The following TAOK3 variants were observed in gnomAD, a reference collection of about 807,000 sequenced individuals.
TAOK3 encodes TAO kinase 3, also known as serine/threonine-protein kinase TAO3.
Under a neutral mutation model 120.4 loss-of-function variants are expected in TAOK3, and 40 were observed. That is an observed-to-expected ratio of 0.33 (90% CI 0.26 to 0.43). The LOEUF (loss-of-function observed/expected upper bound fraction) is 0.43, where lower values mean the gene tolerates loss of function less well. TAOK3 is among the 20% of genes least tolerant of loss of function. TAOK3 has a pLI of 1.00. For synonymous variants in TAOK3, 355 were observed against 387.5 expected (o/e 0.92, Z 0.99); for missense variants, 821 against 1,112.1 (o/e 0.74, Z 3.72).
At chr12:118,171,589 T>G (rs2035999442) in intron 17 of TAOK3, among the ~76,000 whole-genome samples, 1 of 152,216 alleles carries the variant, frequency 6.6e-6, no homozygotes, top group Non-Finnish European at 1.5e-5. Flanking sequence ...ACTCCTGACC[T>G]CAAGTGATCC....
chr12:118,169,644 C>T (rs906042833), intron 17 of TAOK3, among the ~76,000 whole-genome samples: 6 of 151,782 alleles, frequency 4.0e-5, no homozygotes, highest in Non-Finnish European at 8.8e-5. Context: ...TCTCTTTAAT[C>T]TCTTCTCTGT....
chr12:118,344,941 C>T (rs1411168301), intron 1 of TAOK3, among the ~76,000 whole-genome samples: 2 of 152,090 alleles, frequency 1.3e-5, no homozygotes, highest in Non-Finnish European at 2.9e-5. Context: ...TACCCATGCC[C>T]CTCTTCACCT....
At chr12:118,170,513 A>T (rs936226589) in intron 17 of TAOK3, among the ~76,000 whole-genome samples, 1 of 152,036 alleles carries the variant, frequency 6.6e-6, no homozygotes, top group African/African-American at 2.4e-5. Context: ...TGTAATCTCC[A>T]CACTTTGGGA....
At chr12:118,335,773 G>A (rs2044344904) in intron 1 of TAOK3, among the ~76,000 whole-genome samples, 1 of 152,196 alleles carries the variant, frequency 6.6e-6, no homozygotes, top group South Asian at 2.1e-4. Flanking sequence ...AGGCTGCAGT[G>A]AGTGGAGATG....
At chr12:118,217,816 C>T (rs368272401) in intron 9 of TAOK3, among the ~76,000 whole-genome samples, 10,370 of 45,370 alleles carry the variant, frequency 0.23, 1,288 homozygotes, top group Middle Eastern at 0.33. Context: ...TGTGTGTATA[C>T]ATATATATAT....
At chr12:118,322,806 A>G (rs558833469) in intron 1 of TAOK3, among the ~76,000 whole-genome samples, 1 of 140,828 alleles carries the variant, frequency 7.1e-6, no homozygotes, top group African/African-American at 2.7e-5. Context: ...GCTAACTGCA[A>G]CCTCTGCCTC....
At chr12:118,300,168 A>C (rs573465035) in intron 1 of TAOK3, among the ~76,000 whole-genome samples, 3 of 152,330 alleles carry the variant, frequency 2.0e-5, no homozygotes, top group African/African-American at 7.2e-5. Flanking sequence ...TCTCTTTAGA[A>C]CTAGAGACAG....
At chr12:118,197,908 C>T (rs1197845838) in intron 13 of TAOK3, among the ~76,000 whole-genome samples, 1 of 151,986 alleles carries the variant, frequency 6.6e-6, no homozygotes, top group Non-Finnish European at 1.5e-5. Context: ...GGGATGGTCT[C>T]GATCTCCTGA....
chr12:118,183,554 A>G (rs2036896070), intron 14 of TAOK3, among the ~76,000 whole-genome samples: 1 of 152,220 alleles, frequency 6.6e-6, no homozygotes, highest in Non-Finnish European at 1.5e-5. Context: ...TGTTTTTTTA[A>G]TGGACATAAT....
At chr12:118,307,852 G>T (rs1190750180) in intron 1 of TAOK3, among the ~76,000 whole-genome samples, 2 of 152,086 alleles carry the variant, frequency 1.3e-5, no homozygotes, top group Non-Finnish European at 2.9e-5. Context: ...GTAGTCTGTA[G>T]ACTTGTTACC....
At chr12:118,182,400 G>A (rs2036789881) in intron 14 of TAOK3, among the ~76,000 whole-genome samples, 1 of 151,656 alleles carries the variant, frequency 6.6e-6, no homozygotes. Context: ...ATAATTATCT[G>A]TTGTGGGGGC....
At chr12:118,268,413 G>A (rs116007402) in intron 1 of TAOK3, among the ~76,000 whole-genome samples, 3,401 of 152,176 alleles carry the variant, frequency 0.022, 102 homozygotes, top group East Asian at 0.069. Flanking sequence ...AAAAACTATG[G>A]ACTTCCATTT....
intron 1 of TAOK3, among the ~76,000 whole-genome samples, chr12:118,339,275 CTTTT>C (rs72009582): frequency 0.013 from 1,125 of 86,796 alleles, 11 homozygotes; most frequent in African/African-American, 0.052. Flanking sequence ...CTTCATCATA[CTTTT>C]TTTTTTTTTT....
At chr12:118,354,652 A>G (rs910474661) in intron 1 of TAOK3, among the ~76,000 whole-genome samples, 3 of 151,654 alleles carry the variant, frequency 2.0e-5, no homozygotes, top group African/African-American at 7.3e-5. Flanking sequence ...AGGTGAGTGA[A>G]TCATGGGGTG....
chr12:118,362,070 G>A (rs1311293812), intron 1 of TAOK3, among the ~76,000 whole-genome samples: 1 of 151,970 alleles, frequency 6.6e-6, no homozygotes, highest in Non-Finnish European at 1.5e-5. Flanking sequence ...CCAACAAATC[G>A]GAGGAACTCT....
chr12:118,358,906 C>A (rs940867897), intron 1 of TAOK3: 1 of 151,952 alleles, frequency 6.6e-6, no homozygotes, highest in Non-Finnish European at 1.5e-5. Flanking sequence ...AATAAAATAC[C>A]AATGACACTT....
At chr12:118,314,248 T>C (rs2043367439) in intron 1 of TAOK3, among the ~76,000 whole-genome samples, 1 of 152,210 alleles carries the variant, frequency 6.6e-6, no homozygotes, top group Non-Finnish European at 1.5e-5. Flanking sequence ...CCAAAATCAA[T>C]GTTTCATATG....
At chr12:118,254,484 G>A (rs1201402020) in intron 3 of TAOK3, among the ~76,000 whole-genome samples, 2 of 151,410 alleles carry the variant, frequency 1.3e-5, no homozygotes, top group Admixed American at 1.3e-4. Flanking sequence ...AATCGTATAC[G>A]TAATTGTTTT....
In TAOK3 at chr12:118,369,018, A is replaced by G. The variant is rs1446938065; in HGVS notation, c.-194+3630T>C. Reference sequence around the variant, plus strand: ...TACTAAAAATAGAAAAAAAAAAAAAAAAAAAGAAGAAGAAGAAGAAAAAGC... The same window carrying G: ...TACTAAAAATAGAAAAAAAAAAAAAGAAAAAGAAGAAGAAGAAGAAAAAGC... On this transcript the variant is annotated intron_variant, in intron 1 of 20. Coordinates refer to ENST00000392533, the MANE Select transcript of TAOK3 (RefSeq NM_016281.4). Among the ~76,000 whole-genome samples, 63 of 149,210 alleles carry G rather than the reference A, an allele frequency of 4.2e-4. 1 individual carries two copies. The highest frequency in any genetic ancestry group is 1.5e-3 in the African/African-American group (62 of 40,728).
Sources: allele counts gnomAD v4.1 joint callset (sites outside exome capture counted in the v4.1 genomes callset), GRCh38; gene constraint gnomAD v4.1.1; transcripts MANE v1.5; gene names NCBI Gene and HGNC (gene_info 2026-07-23, HGNC 2026-07-21).